The following NIPBL variants were observed in gnomAD, a reference collection of about 807,000 sequenced individuals.
NIPBL encodes nipped-B-like protein.
A neutral mutation model predicts 321.8 loss-of-function variants in NIPBL; 19 were observed. The ratio of observed to expected loss-of-function variants is 0.06; its 90% confidence interval spans 0.04 to 0.09. The LOEUF (loss-of-function observed/expected upper bound fraction) is 0.09. Among genes scored for constraint, NIPBL ranks in the 10% least tolerant of loss-of-function variants. The pLI is 1.00. For synonymous variants in NIPBL, 1,106 were observed against 1,114.1 expected (o/e 0.99, Z 0.14); for missense variants, 2,210 against 3,327.0 (o/e 0.66, Z 8.26).
At chr5:37,049,566 A>G (rs192041789) in intron 40 of NIPBL, among the ~76,000 whole-genome samples, 53 of 152,294 alleles carry the variant, frequency 3.5e-4, no homozygotes, top group African/African-American at 1.3e-3. Flanking sequence ...TATGGGTGAT[A>G]TATTTGTTTT....
In NIPBL at chr5:36,984,999, G is replaced by C; in HGVS notation, c.1819G>C (p.Glu607Gln). The C allele has an allele frequency of 6.2e-7, 1 of 1,613,830 alleles. No individual in the cohort carries two copies. Among genetic ancestry groups the C allele is most frequent in the South Asian group, 1.1e-5 (1 of 91,074 alleles). Residue 607 changes from glutamate to glutamine, a missense_variant, in exon 10 of 47, where the codon GAG becomes CAG. Physicochemically the swap from Glu to Gln is conservative, Grantham distance 29. Coordinates refer to ENST00000282516, the MANE Select transcript of NIPBL (RefSeq NM_133433.4). ...GACACCTAAAAAAAAGTCTGATCCT[G>C]AGCTTTCAAAGAGTGAAATGAAACA... ...PETPKKKSDP[E>Q]LSKSEMKQSE...
At chr5:36,965,577 G>A (rs1041815578) in intron 6 of NIPBL, among the ~76,000 whole-genome samples, 6 of 152,050 alleles carry the variant, frequency 3.9e-5, no homozygotes, top group African/African-American at 1.4e-4. Context: ...TGTCTGATAG[G>A]AGAAATAACA....
At chr5:37,043,578 T>C (rs1326453546) in intron 34 of NIPBL, among the ~76,000 whole-genome samples, 1 of 151,644 alleles carries the variant, frequency 6.6e-6, no homozygotes, top group African/African-American at 2.4e-5. Context: ...ATTATGCGCC[T>C]GTAGTCCTAG....
At chr5:36,882,502 A>G (rs1745580552) in intron 1 of NIPBL, among the ~76,000 whole-genome samples, 1 of 151,996 alleles carries the variant, frequency 6.6e-6, no homozygotes, top group Non-Finnish European at 1.5e-5. Flanking sequence ...AAAGGATTTC[A>G]GAGTTGATAC....
intron 1 of NIPBL, chr5:36,885,219 C>CT (rs1745801055): frequency 1.9e-6 from 1 of 534,030 alleles, no homozygotes; most frequent in African/African-American, 1.9e-5. Context: ...AGCTTCACCA[C>CT]TTGCTCCACC....
Position 37,044,327 on chromosome 5 carries a change from C to T in NIPBL, c.6109-20C>T, listed in dbSNP as rs765741668. The T allele has an allele frequency of 6.2e-7, 1 of 1,608,508 alleles. No individual in the cohort carries two copies. Among genetic ancestry groups the T allele is most frequent in the South Asian group, 1.1e-5 (1 of 90,912 alleles). On this transcript the variant is annotated intron_variant, in intron 34 of 46. Coordinates refer to ENST00000282516, the MANE Select transcript of NIPBL (RefSeq NM_133433.4). ...TTTCAGGTTTTGGATATTCATAAAG[C>T]ATTAATTTTATTCTTATAGACGCAA...
At chr5:36,992,757 T>TATTTATTG (rs1234587827) in intron 10 of NIPBL, among the ~76,000 whole-genome samples, 1 of 139,814 alleles carries the variant, frequency 7.2e-6, no homozygotes, top group African/African-American at 2.8e-5. Flanking sequence ...TTTATTTATT[T>TATTTATTG]ATTGAGATGG....
At chr5:36,988,242 G>A (rs1183960718) in intron 10 of NIPBL, among the ~76,000 whole-genome samples, 3 of 152,082 alleles carry the variant, frequency 2.0e-5, no homozygotes, top group Non-Finnish European at 2.9e-5. Context: ...GTTTCTGATA[G>A]TATACTTTTA....
chr5:36,978,341 T>A (rs974375919), intron 9 of NIPBL, among the ~76,000 whole-genome samples: 1 of 152,142 alleles, frequency 6.6e-6, no homozygotes, highest in Non-Finnish European at 1.5e-5. Context: ...ATTTCTCTGA[T>A]GATTAATGAT....
chr5:37,052,263 A>C, intron 41 of NIPBL, 103 bp from the exon 42 acceptor site: 1 of 910,558 alleles, frequency 1.1e-6, no homozygotes, highest in South Asian at 1.4e-5. Flanking sequence ...ATTTTAATTA[A>C]AAAAAAACAA....
chr5:36,994,473 A>G (rs1162007378), intron 10 of NIPBL, among the ~76,000 whole-genome samples: 1 of 152,050 alleles, frequency 6.6e-6, no homozygotes, highest in Non-Finnish European at 1.5e-5. Flanking sequence ...CTTGATAGCT[A>G]TTTACTTTTC....
intron 32 of NIPBL, among the ~76,000 whole-genome samples, chr5:37,032,290 A>G (rs751534163): frequency 6.6e-6 from 1 of 152,134 alleles, no homozygotes; most frequent in Non-Finnish European, 1.5e-5. Flanking sequence ...TCTCAAGGAA[A>G]AAACGGGGAG....
In NIPBL at chr5:37,044,651, G is replaced by C; in HGVS notation, c.6265G>C (p.Val2089Leu). 1 of 1,613,744 alleles carries C rather than the reference G, an allele frequency of 6.2e-7. No homozygotes were observed. Among genetic ancestry groups the C allele is most frequent in the Non-Finnish European group, 8.5e-7 (1 of 1,179,788 alleles). Residue 2089 changes from valine to leucine, a missense_variant, in exon 36 of 47, where the codon GTG (valine) becomes CTG (leucine). Coordinates refer to ENST00000282516, the MANE Select transcript of NIPBL (RefSeq NM_133433.4). ...KYGMTVVQHCVSCLGAVVNKV... is the reference protein window; with the variant it reads ...KYGMTVVQHCLSCLGAVVNKV... ...TATCTTTTAGGTAGTGCAACATTGT[G>C]TGAGCTGTCTTGGAGCTGTTGTAAA... is the stretch of plus-strand genomic sequence containing the variant.
chr5:36,966,576 T>TA (rs1742232592), intron 6 of NIPBL, among the ~76,000 whole-genome samples: 1 of 152,092 alleles, frequency 6.6e-6, no homozygotes, highest in Admixed American at 6.5e-5. Flanking sequence ...TGTGGGATGA[T>TA]ACTTTGAGAT....
Position 37,000,837 on chromosome 5 carries a change from A to G in NIPBL, c.3523A>G (p.Lys1175Glu). Residue 1175 changes from lysine to glutamate, a missense_variant, in exon 13 of 47, where the codon AAA (lysine) becomes GAA (glutamate). Lys to Glu is a moderately conservative substitution (Grantham distance 56). Transcript: ENST00000282516. ...TTTAGTTGCTAGGAAAATGAAGAAA[A>G]AAGAAAAACAGAAGAAAAGGAAAGC... is the stretch of plus-strand genomic sequence containing the variant. Reference protein sequence around the residue: ...LSEVARKMKKKEKQKKRKAYE... With the variant: ...LSEVARKMKKEEKQKKRKAYE... The G allele has an allele frequency of 1.9e-6, 3 of 1,612,014 alleles. No homozygotes were observed. Among genetic ancestry groups the G allele is most frequent in the Non-Finnish European group, 2.5e-6 (3 of 1,178,520 alleles).
chr5:36,957,277 C>G (rs752581067), intron 3 of NIPBL, among the ~76,000 whole-genome samples: 45 of 152,198 alleles, frequency 3.0e-4, no homozygotes, highest in Non-Finnish European at 5.1e-4. Context: ...CCGCTTTTCC[C>G]GCACCATGAC....
chr5:36,936,191 T>C (rs1280037122), intron 1 of NIPBL, among the ~76,000 whole-genome samples: 1 of 152,144 alleles, frequency 6.6e-6, no homozygotes, highest in African/African-American at 2.4e-5. Flanking sequence ...TTTGTTGCTG[T>C]TTGTGTTCAG....
At chr5:37,016,974 A>C (rs751000288) in intron 23 of NIPBL, 45 bp from the exon 24 acceptor site, 2 of 1,267,948 alleles carry the variant, frequency 1.6e-6, no homozygotes, top group Non-Finnish European at 2.2e-6. Flanking sequence ...TATTTAAAAT[A>C]TATTGTTATA....
chr5:36,917,038 C>A (rs1024347956), intron 1 of NIPBL, among the ~76,000 whole-genome samples: 2 of 152,154 alleles, frequency 1.3e-5, no homozygotes, highest in Non-Finnish European at 2.9e-5. Flanking sequence ...GCTGGATCCA[C>A]TGGTATTTCT....
Sources: gnomAD v4.1 joint callset for allele counts (sites outside exome capture counted in the v4.1 genomes callset) on GRCh38, gnomAD v4.1.1 for gene constraint, MANE v1.5 for transcripts, NCBI Gene and HGNC (gene_info 2026-07-23, HGNC 2026-07-21) for gene names.